The following TRIP11 variants were observed in gnomAD, a reference collection of about 807,000 sequenced individuals.
TRIP11 encodes thyroid receptor-interacting protein 11.
In TRIP11, 148 loss-of-function variants were observed where a neutral mutation model predicts 223.1. That is an observed-to-expected ratio of 0.66 (90% CI 0.58 to 0.76). The LOEUF (loss-of-function observed/expected upper bound fraction) is 0.76, where lower values mean the gene tolerates loss of function less well. Among genes scored for constraint, TRIP11 ranks in the 30% least tolerant of loss-of-function variants. TRIP11 has a pLI of 0.00. For missense variants in TRIP11, 2,043 were observed against 2,222.0 expected (o/e 0.92, Z 1.62); for synonymous variants, 762 against 772.6 (o/e 0.99, Z 0.23).
chr14:92,025,507 T>A, intron 2 of TRIP11, 87 bp from the exon 3 acceptor site: 1 of 822,156 alleles, frequency 1.2e-6, no homozygotes, highest in Non-Finnish European at 1.9e-6. Flanking sequence ...AACGTACTGC[T>A]TTCCCCCCCC....
intron 2 of TRIP11, among the ~76,000 whole-genome samples, chr14:92,029,719 T>A (rs2057239634): frequency 6.6e-6 from 1 of 152,216 alleles, no homozygotes; most frequent in Non-Finnish European, 1.5e-5. Flanking sequence ...TTTTTAATTA[T>A]TTGATGAAGA....
chr14:92,009,594 T>A (rs2056946527), intron 9 of TRIP11, among the ~76,000 whole-genome samples: 1 of 151,848 alleles, frequency 6.6e-6, no homozygotes, highest in Non-Finnish European at 1.5e-5. Context: ...AATATAGTAA[T>A]TTTTAAAACG....
At chr14:92,038,580 T>C (rs2057348711) in intron 1 of TRIP11, among the ~76,000 whole-genome samples, 1 of 152,020 alleles carries the variant, frequency 6.6e-6, no homozygotes, top group Non-Finnish European at 1.5e-5. Flanking sequence ...TCAAACAATC[T>C]TTCCCGATTT....
chr14:91,979,462 A>G (rs2140087831), intron 16 of TRIP11, among the ~76,000 whole-genome samples: 1 of 152,296 alleles, frequency 6.6e-6, no homozygotes, highest in Non-Finnish European at 1.5e-5. Flanking sequence ...AAACTTACTA[A>G]GATTGGTATG....
At chr14:91,988,633 T>TA (rs749287959) in intron 15 of TRIP11, among the ~76,000 whole-genome samples, 9,188 of 99,316 alleles carry the variant, frequency 0.093, 455 homozygotes, top group Admixed American at 0.17. Context: ...ATGACAGAAG[T>TA]AAAAAAAAAA....
chr14:92,030,488 AGTGATTCTCCTG>A (rs2057251487), intron 2 of TRIP11: 1 of 152,076 alleles, frequency 6.6e-6, no homozygotes, highest in Non-Finnish European at 1.5e-5. Context: ...CCCAGGTTCA[AGTGATTCTCCTG>A]CCTCAGCCTC....
At chr14:91,981,064 A>C (rs1329730118) in intron 16 of TRIP11, among the ~76,000 whole-genome samples, 1 of 124,372 alleles carries the variant, frequency 8.0e-6, no homozygotes, top group African/African-American at 3.2e-5. Flanking sequence ...TGTCACCCAG[A>C]CTGGAGTACA....
In TRIP11 at chr14:92,037,489, G is replaced by A. The variant is rs1251319914; in HGVS notation, c.139+2058C>T. On this transcript the variant is annotated intron_variant, in intron 1 of 20. Transcript: ENST00000267622. This position sits in a 1 kb window ranked among gnomAD's most constrained non-coding sequence, Gnocchi z 4.2. ...CATGTAGAGGCTTGAAGTTGTGTAA[G>A]TGCCTGACAAAATCCCACACGACAG... 1.3e-5 allele frequency among the ~76,000 whole-genome samples: 2 copies of A among 152,224 alleles called. No homozygotes were observed. Among genetic ancestry groups the A allele is most frequent in the Non-Finnish European group, 2.9e-5 (2 of 68,036 alleles).
At chr14:91,996,825 C>T (rs1405201241) in intron 13 of TRIP11, among the ~76,000 whole-genome samples, 1 of 152,176 alleles carries the variant, frequency 6.6e-6, no homozygotes, top group African/African-American at 2.4e-5. Flanking sequence ...CTATATTAAA[C>T]ACAATAACCT....
intron 16 of TRIP11, among the ~76,000 whole-genome samples, chr14:91,986,000 T>C (rs1185837877): frequency 1.3e-5 from 2 of 152,192 alleles, no homozygotes; most frequent in Non-Finnish European, 2.9e-5. Flanking sequence ...GAGCTGTAAA[T>C]GGCAAGAATG....
chr14:92,039,886 G>T lies in TRIP11; in HGVS notation c.-201C>A. On this transcript the variant is annotated 5_prime_UTR_variant, in exon 1 of 21. Transcript: ENST00000267622. ...TGGCCTGGAATTTTACCAGGGGCCC[G>T]CCTCTAGTGACACAGTCACCTACGG... 1.9e-6 allele frequency: 2 copies of T among 1,042,874 alleles called. No individual in the cohort carries two copies. Among genetic ancestry groups the T allele is most frequent in the Non-Finnish European group, 2.7e-6 (2 of 729,944 alleles). The allele number at this position is 1,042,874 out of a possible 1,614,324, so 64.6% of individuals were successfully genotyped here.
At chr14:92,002,013 T>A (rs1216664373) in intron 11 of TRIP11, among the ~76,000 whole-genome samples, 1 of 152,216 alleles carries the variant, frequency 6.6e-6, no homozygotes, top group Non-Finnish European at 1.5e-5. Flanking sequence ...AATCACTTTG[T>A]ATCTTATGCC....
chr14:92,014,708 CTAAG>C lies in TRIP11; in HGVS notation c.824-135_824-132del, dbSNP rs2057014435. On this transcript the variant is annotated intron_variant, in intron 6 of 20. Transcript: ENST00000267622. ...TTAAAAGTTAAATTACTATAATAAA[CTAAG>C]TGTTTTAAAATAAATAAGTTGGGGG... 4 of 930,520 alleles carry C rather than the reference CTAAG, an allele frequency of 4.3e-6. No individual in the cohort carries two copies. In the Admixed American group the frequency reaches 9.8e-5, roughly 23 times the overall value. 57.6% of individuals were successfully genotyped at this position (930,520 alleles called of 1,614,324 possible). A position where few individuals can be genotyped will look rare whatever the true frequency, so the allele number is the denominator to read the frequency against.
rs1215530250 is a variant in TRIP11, at chr14:91,974,816, TAATTTCTG to T, written c.5458-81_5458-74del. On this transcript the variant is annotated intron_variant, in intron 18 of 20. Transcript: ENST00000267622. ...AAAAAAAACAAGGACCACTTTTATA[TAATTTCTG>T]ATAGTTGTAAAGCATGCTTTTCAAG... The T allele has an allele frequency of 6.0e-6, 7 of 1,173,294 alleles. No homozygotes were observed. The African/African-American group carries it at 9.3e-5, about 16-fold the overall frequency. 72.7% of individuals were successfully genotyped at this position (1,173,294 alleles called of 1,614,324 possible). A position where few individuals can be genotyped will look rare whatever the true frequency, so the allele number is the denominator to read the frequency against.
chr14:91,970,767 T>C (rs1297307515), intron 20 of TRIP11, among the ~76,000 whole-genome samples: 1 of 152,234 alleles, frequency 6.6e-6, no homozygotes. Flanking sequence ...GCTCTTGTTT[T>C]ATACTTAAAT....
chr14:91,990,358 G>A (rs1286526386), intron 15 of TRIP11, among the ~76,000 whole-genome samples: 7 of 151,986 alleles, frequency 4.6e-5, no homozygotes, highest in Non-Finnish European at 1.0e-4. Context: ...TTTAGATTTT[G>A]TTATTCTTTC....
At chr14:91,998,739 T>C (rs566249433) in intron 13 of TRIP11, among the ~76,000 whole-genome samples, 1 of 151,502 alleles carries the variant, frequency 6.6e-6, no homozygotes, top group Non-Finnish European at 1.5e-5. Context: ...AATAAAAATC[T>C]AAAATATATA....
intron 3 of TRIP11, among the ~76,000 whole-genome samples, chr14:92,023,566 G>C (rs960967844): frequency 1.3e-5 from 2 of 152,160 alleles, no homozygotes; most frequent in East Asian, 3.8e-4. Flanking sequence ...TCGAATTTTG[G>C]TAGGAATGCT....
chr14:92,005,857 T>G lies in TRIP11; in HGVS notation c.2119A>C (p.Lys707Gln). ...TTTAGAGTCTCCACAATAGTGTTTTTTTCCAGAGAAAGCTGATTGTTACCA... is the reference window on the plus strand; with the variant it reads ...TTTAGAGTCTCCACAATAGTGTTTTGTTCCAGAGAAAGCTGATTGTTACCA... ...LAGNNQLSLE[K>Q]NTIVETLKME... Residue 707 changes from lysine to glutamine, a missense_variant, in exon 11 of 21, where the codon AAA (lysine) becomes CAA (glutamine). By Grantham distance (53) the Lys-to-Gln change is moderately conservative. Transcript: ENST00000267622. 1.2e-6 allele frequency: 2 copies of G among 1,614,088 alleles called. No homozygotes were observed. The highest frequency in any genetic ancestry group is 1.7e-6 in the Non-Finnish European group (2 of 1,180,016).
Sources: gnomAD v4.1 joint callset for allele counts (sites outside exome capture counted in the v4.1 genomes callset) on GRCh38, gnomAD v4.1.1 for gene constraint, Gnocchi (gnomAD v3.1) non-coding constraint, MANE v1.5 for transcripts, NCBI Gene and HGNC (gene_info 2026-07-23, HGNC 2026-07-21) for gene names.